MCPH1: variants seen among roughly 807,000 people sequenced by gnomAD.
MCPH1 encodes microcephalin.
Under a neutral mutation model 84.5 loss-of-function variants are expected in MCPH1, and 104 were observed. The observed-to-expected ratio is 1.23, with a 90% CI of 1.05 to 1.45. The LOEUF is 1.45. Ranked by LOEUF, MCPH1 falls within the 40% of genes most tolerant of loss-of-function variation. The pLI, the probability that MCPH1 is intolerant of heterozygous loss-of-function variation, is 0.00. For synonymous variants in MCPH1, 514 were observed against 366.8 expected (o/e 1.40, Z -4.58); for missense variants, 1,498 against 1,005.7 (o/e 1.49, Z -6.62).
At chr8:6,437,929 G>T (rs549356241) in intron 5 of MCPH1, among the ~76,000 whole-genome samples, 1 of 152,156 alleles carries the variant, frequency 6.6e-6, no homozygotes, top group African/African-American at 2.4e-5. Flanking sequence ...TCTCTGTGCT[G>T]CAGTCACAAT....
chr8:6,453,519 G>A (rs1467280838), intron 8 of MCPH1, among the ~76,000 whole-genome samples: 1 of 151,938 alleles, frequency 6.6e-6, no homozygotes, highest in Non-Finnish European at 1.5e-5. Flanking sequence ...GAGGCAAGTG[G>A]CTATTATAAA....
chr8:6,487,496 C>T (rs1306497356), intron 11 of MCPH1, among the ~76,000 whole-genome samples: 1 of 152,246 alleles, frequency 6.6e-6, no homozygotes. Context: ...GTTAGTTCAT[C>T]ACCCTGCATT....
At chr8:6,447,221 C>T (rs949406012) in intron 8 of MCPH1, 22 of 985,246 alleles carry the variant, frequency 2.2e-5, no homozygotes, top group Non-Finnish European at 2.7e-5. Flanking sequence ...TGTCAGCCCC[C>T]TGGGACTCAG....
At chr8:6,431,075 C>G (rs1047104143) in intron 3 of MCPH1, among the ~76,000 whole-genome samples, 2 of 152,106 alleles carry the variant, frequency 1.3e-5, no homozygotes, top group Non-Finnish European at 2.9e-5. Context: ...AAAGGACAAC[C>G]CAATTTTGGA....
intron 9 of MCPH1, among the ~76,000 whole-genome samples, chr8:6,455,537 G>T (rs988565877): frequency 1.3e-5 from 2 of 152,202 alleles, no homozygotes; most frequent in African/African-American, 2.4e-5. Context: ...GGTTGTGCCA[G>T]TGTTTCTTGC....
intron 12 of MCPH1, among the ~76,000 whole-genome samples, chr8:6,611,670 G>C (rs575761900): frequency 5.9e-5 from 9 of 152,046 alleles, no homozygotes; most frequent in Admixed American, 2.6e-4. Context: ...CCAGGCTGGA[G>C]TGCAGTGGCG....
At chr8:6,487,826 T>G (rs1377251237) in intron 11 of MCPH1, among the ~76,000 whole-genome samples, 1 of 152,214 alleles carries the variant, frequency 6.6e-6, no homozygotes, top group Non-Finnish European at 1.5e-5. Flanking sequence ...ATGCACTGTC[T>G]CACTGGATCC....
chr8:6,518,370 A>G (rs1816697259), intron 12 of MCPH1, among the ~76,000 whole-genome samples: 1 of 152,226 alleles, frequency 6.6e-6, no homozygotes, highest in African/African-American at 2.4e-5. Flanking sequence ...TTGCCTTTTC[A>G]TCTGCAGCAG....
chr8:6,641,798 GAATT>G (rs1797954561), intron 13 of MCPH1, among the ~76,000 whole-genome samples: 1 of 152,156 alleles, frequency 6.6e-6, no homozygotes, highest in African/African-American at 2.4e-5. Flanking sequence ...GTTGTGGAGA[GAATT>G]AAGTAGTATG....
chr8:6,615,158 G>GT (rs1292035843), intron 12 of MCPH1, among the ~76,000 whole-genome samples: 12 of 152,298 alleles, frequency 7.9e-5, no homozygotes, highest in African/African-American at 2.9e-4. Flanking sequence ...CACACATGCC[G>GT]TGAGTCTTCA....
chr8:6,505,765 A>C (rs377466614), intron 12 of MCPH1, among the ~76,000 whole-genome samples: 385 of 79,668 alleles, frequency 4.8e-3, no homozygotes, highest in Middle Eastern at 0.022. Context: ...TATATATAGA[A>C]TATATATATT....
At chr8:6,586,249 C>A (rs931510704) in intron 12 of MCPH1, among the ~76,000 whole-genome samples, 2 of 152,184 alleles carry the variant, frequency 1.3e-5, no homozygotes, top group Admixed American at 1.3e-4. Flanking sequence ...GTGTGAGCCA[C>A]CATGCCCAGC....
At chr8:6,581,753 G>A (rs1188141010) in intron 12 of MCPH1, among the ~76,000 whole-genome samples, 2 of 151,976 alleles carry the variant, frequency 1.3e-5, no homozygotes, top group Non-Finnish European at 2.9e-5. Context: ...ATTCAAACTG[G>A]GTGTCTTATA....
At chr8:6,623,716 AAAC>A (rs1831745676) in intron 13 of MCPH1, among the ~76,000 whole-genome samples, 1 of 2,780 alleles carries the variant, frequency 3.6e-4, no homozygotes, top group African/African-American at 9.8e-4. Flanking sequence ...AAAAAAAAAA[AAAC>A]TATTGATTTT....
intron 9 of MCPH1, among the ~76,000 whole-genome samples, chr8:6,458,906 C>CA (rs1239670394): frequency 6.6e-6 from 1 of 152,124 alleles, no homozygotes; most frequent in African/African-American, 2.4e-5. Context: ...TTGGCCCTCC[C>CA]AAAGTGCTGG....
At chr8:6,441,960 A>G (rs1803576478) in intron 6 of MCPH1, 107 bp from the exon 7 acceptor site, 2 of 764,978 alleles carry the variant, frequency 2.6e-6, no homozygotes, top group African/African-American at 1.7e-5. Flanking sequence ...TTGTGATTAT[A>G]GGATTTAATA....
At chr8:6,526,914 T>G (rs149150316) in intron 12 of MCPH1, among the ~76,000 whole-genome samples, 129 of 152,300 alleles carry the variant, frequency 8.5e-4, no homozygotes, top group African/African-American at 2.8e-3. Context: ...GAGATTTTTC[T>G]ATATTTTATT....
rs2916728 is a variant in MCPH1, at chr8:6,471,390, G to A, written c.1936-6204G>A. On this transcript the variant is annotated intron_variant, in intron 9 of 13. Coordinates refer to ENST00000344683, the MANE Select transcript of MCPH1 (RefSeq NM_024596.5). ...TAATCTATGCAAATAATTATATTGCGCTGAAAAAAATGATACTCAATTACA... is the reference window on the plus strand; with the variant it reads ...TAATCTATGCAAATAATTATATTGCACTGAAAAAAATGATACTCAATTACA... Among the ~76,000 whole-genome samples the A allele has an allele frequency of 5.5e-3, 844 of 152,096 alleles. 7 individuals are homozygous for A. Among genetic ancestry groups the A allele is most frequent in the Middle Eastern group, 0.02 (6 of 294 alleles).
chr8:6,546,206 C>G (rs1362755355), intron 12 of MCPH1, among the ~76,000 whole-genome samples: 1 of 152,200 alleles, frequency 6.6e-6, no homozygotes, highest in Non-Finnish European at 1.5e-5. Context: ...CCAAGGCACC[C>G]TGGGTCCTTG....
Sources: allele counts gnomAD v4.1 joint callset (sites outside exome capture counted in the v4.1 genomes callset), GRCh38; gene constraint gnomAD v4.1.1; transcripts MANE v1.5; gene names NCBI Gene and HGNC (gene_info 2026-07-23, HGNC 2026-07-21).